UBE3D: variants seen among roughly 807,000 people sequenced by gnomAD.
The protein encoded by UBE3D is E3 ubiquitin-protein ligase E3D.
UBE3D carries 48 observed loss-of-function variants against 49.6 expected under a neutral mutation model. That is an observed-to-expected ratio of 0.97 (90% CI 0.77 to 1.23). The LOEUF is 1.23. Among genes scored for constraint, UBE3D ranks in the 50% most tolerant of loss-of-function variants. UBE3D has a pLI of 0.00. For missense variants in UBE3D, 452 were observed against 468.4 expected (o/e 0.96, Z 0.32); for synonymous variants, 189 against 174.2 (o/e 1.08, Z -0.67).
intron 9 of UBE3D, among the ~76,000 whole-genome samples, chr6:82,925,483 G>T (rs1773680049): frequency 6.6e-6 from 1 of 152,126 alleles, no homozygotes; most frequent in Non-Finnish European, 1.5e-5. Flanking sequence ...ACTCGGCTCA[G>T]GATTACCTTC....
chr6:83,014,567 C>G lies in UBE3D; in HGVS notation c.1010+4406G>C, dbSNP rs1780562350. On this transcript the variant is annotated intron_variant, in intron 8 of 9. Transcript: ENST00000369747. ...TCAATTACCTGACCTCCATAAACCC[C>G]TATTTTAACTTGAGGACCACAATGA... Among the ~76,000 whole-genome samples the G allele has an allele frequency of 2.6e-5, 4 of 152,196 alleles. No homozygotes were observed. The South Asian group carries it at 8.3e-4, about 32-fold the overall frequency.
intron 8 of UBE3D, among the ~76,000 whole-genome samples, chr6:83,009,099 A>G (rs559081296): frequency 6.6e-6 from 1 of 152,360 alleles, no homozygotes; most frequent in East Asian, 1.9e-4. Context: ...TCAAATTCTT[A>G]TAATACTCTT....
intron 3 of UBE3D, among the ~76,000 whole-genome samples, chr6:83,046,675 G>C (rs1032088215): frequency 2.2e-5 from 3 of 138,970 alleles, no homozygotes; most frequent in Non-Finnish European, 3.1e-5. Context: ...CAGTTGGCGG[G>C]GGGGGTGGGC....
chr6:82,983,136 C>A (rs999524734), intron 8 of UBE3D, among the ~76,000 whole-genome samples: 4 of 148,940 alleles, frequency 2.7e-5, no homozygotes, highest in African/African-American at 7.4e-5. Flanking sequence ...CAGGCATGAG[C>A]CATCATACCT....
chr6:83,006,006 C>T (rs957793953), intron 8 of UBE3D, among the ~76,000 whole-genome samples: 5 of 152,134 alleles, frequency 3.3e-5, no homozygotes, highest in Non-Finnish European at 7.3e-5. Context: ...GGGTGTATCA[C>T]TTGAGGCCAG....
downstream of UBE3D, among the ~76,000 whole-genome samples, chr6:82,889,975 C>T (rs1194955221): frequency 6.6e-6 from 1 of 151,402 alleles, no homozygotes; most frequent in Non-Finnish European, 1.5e-5. Flanking sequence ...ATTTTAGAGA[C>T]ATAAAAAAGG....
At chr6:82,947,239 G>T (rs755037636) in intron 9 of UBE3D, among the ~76,000 whole-genome samples, 12 of 151,958 alleles carry the variant, frequency 7.9e-5, no homozygotes, top group Non-Finnish European at 1.6e-4. Flanking sequence ...GGTCCATTCA[G>T]CAAAATGATA....
chr6:82,887,334 A>C, the UBE3D span, among the ~76,000 whole-genome samples: 1 of 150,622 alleles, frequency 6.6e-6, no homozygotes, highest in Non-Finnish European at 1.5e-5. Flanking sequence ...AAAAAAAAAA[A>C]AAAGGGAGAG....
chr6:83,033,859 T>A (rs779701370), intron 5 of UBE3D, among the ~76,000 whole-genome samples: 1 of 152,212 alleles, frequency 6.6e-6, no homozygotes, highest in African/African-American at 2.4e-5. Context: ...TTCTACTTTC[T>A]CCACCACCTA....
chr6:83,060,036 T>G (rs996752689), intron 1 of UBE3D, among the ~76,000 whole-genome samples: 2 of 152,122 alleles, frequency 1.3e-5, no homozygotes, highest in Admixed American at 6.5e-5. Context: ...CTCTTCCTCT[T>G]CATATAAGGA....
chr6:83,046,692 AC>A (rs1303482100), intron 3 of UBE3D, among the ~76,000 whole-genome samples: 63 of 132,852 alleles, frequency 4.7e-4, no homozygotes, highest in African/African-American at 1.6e-3. Flanking sequence ...GGGCGGTGGC[AC>A]CGGGGGAGCA....
At chr6:83,018,775 C>G (rs1190048874) in intron 8 of UBE3D, 198 bp downstream of exon 8, 3 of 622,382 alleles carry the variant, frequency 4.8e-6, no homozygotes, top group Middle Eastern at 3.6e-4. Flanking sequence ...TTGGTAAAAG[C>G]AAGCTTTCTG....
At chr6:82,992,872 C>T (rs1021796169) in intron 8 of UBE3D, among the ~76,000 whole-genome samples, 2 of 152,010 alleles carry the variant, frequency 1.3e-5, no homozygotes, top group African/African-American at 4.8e-5. Context: ...ACTACCTCTG[C>T]CACCTGGGTA....
intron 9 of UBE3D, among the ~76,000 whole-genome samples, chr6:82,935,468 G>A (rs555898144): frequency 4.9e-4 from 74 of 152,176 alleles, no homozygotes; most frequent in Non-Finnish European, 8.8e-4. Context: ...CTAATAGAAG[G>A]TCGGAATGAG....
chr6:82,939,110 A>G (rs1774814864), intron 9 of UBE3D, among the ~76,000 whole-genome samples: 1 of 152,078 alleles, frequency 6.6e-6, no homozygotes, highest in African/African-American at 2.4e-5. Context: ...GTCATCACAG[A>G]ATTAGACAAA....
At chr6:82,882,803 A>G in the UBE3D span, among the ~76,000 whole-genome samples, 2 of 152,178 alleles carry the variant, frequency 1.3e-5, no homozygotes, top group African/African-American at 4.8e-5. Flanking sequence ...TACAGCCACA[A>G]AGAGAGAACT....
At chr6:82,890,366 C>A (rs1770958651), downstream of UBE3D, among the ~76,000 whole-genome samples, 1 of 152,082 alleles carries the variant, frequency 6.6e-6, no homozygotes, top group Non-Finnish European at 1.5e-5. Context: ...GACATGTTAC[C>A]CCTCAGACCT....
intron 9 of UBE3D, among the ~76,000 whole-genome samples, chr6:82,955,296 C>G (rs1776084130): frequency 6.6e-6 from 1 of 152,188 alleles, no homozygotes; most frequent in African/African-American, 2.4e-5. Flanking sequence ...GTTGAGGCTA[C>G]TTTGTAATAA....
intron 8 of UBE3D, among the ~76,000 whole-genome samples, chr6:83,006,825 T>C (rs1048444187): frequency 3.3e-5 from 5 of 152,140 alleles, no homozygotes; most frequent in Non-Finnish European, 7.4e-5. Context: ...TAAAAATGTT[T>C]TGGAGATCTG....
Sources: allele counts gnomAD v4.1 joint callset (sites outside exome capture counted in the v4.1 genomes callset), GRCh38; gene constraint gnomAD v4.1.1; transcripts MANE v1.5; gene names NCBI Gene and HGNC (gene_info 2026-07-23, HGNC 2026-07-21).